The following POR variants were observed in gnomAD, a reference collection of about 807,000 sequenced individuals.
The protein encoded by POR is NADPH--cytochrome P450 reductase.
Under a neutral mutation model 84.0 loss-of-function variants are expected in POR, and 56 were observed. The observed-to-expected ratio is 0.67, with a 90% CI of 0.54 to 0.83. The LOEUF (loss-of-function observed/expected upper bound fraction) is 0.83. Ranked by LOEUF, POR falls within the 40% of genes least tolerant of loss-of-function variation. POR has a pLI of 0.00. For synonymous variants in POR, 414 were observed against 400.5 expected, an observed-to-expected ratio of 1.03 and a Z score of -0.40; for missense variants, 938 against 944.3, an observed-to-expected ratio of 0.99 and a Z score of 0.09.
At chr7:75,918,003 A>C (rs1554548272) in intron 1 of POR, among the ~76,000 whole-genome samples, 1 of 152,174 alleles carries the variant, frequency 6.6e-6, no homozygotes, top group Non-Finnish European at 1.5e-5. Flanking sequence ...GTCTCTATAA[A>C]AAAAATACAA....
chr7:75,951,258 G>C (rs536706919), intron 1 of POR, among the ~76,000 whole-genome samples: 13 of 152,018 alleles, frequency 8.6e-5, no homozygotes, highest in Admixed American at 4.6e-4. Context: ...GCCAGGTGTC[G>C]TGGCGGGCAC....
At chr7:75,928,240 A>AT in intron 1 of POR, among the ~76,000 whole-genome samples, 1 of 152,206 alleles carries the variant, frequency 6.6e-6, no homozygotes, top group Middle Eastern at 3.4e-3. Flanking sequence ...AAGTACTGGG[A>AT]TTACAGGTGT....
rs1187433992 is a variant in POR, at chr7:75,927,949, C to T, written c.-5+12770C>T. On this transcript the variant is annotated intron_variant, in intron 1 of 15. Coordinates refer to ENST00000461988, the MANE Select transcript of POR (RefSeq NM_000941.3). ...GGCCTGAGGCATGAGCCACTGCTCCCAGTCTCTATCTCAGGTTTCTTTTTT... is the reference window on the plus strand; with the variant it reads ...GGCCTGAGGCATGAGCCACTGCTCCTAGTCTCTATCTCAGGTTTCTTTTTT... 2.0e-5 allele frequency among the ~76,000 whole-genome samples: 3 copies of T among 148,868 alleles called. No individual in the cohort carries two copies. The Admixed American group carries it at 2.0e-4, about 10-fold the overall frequency.
At chr7:75,942,013 GT>G (rs1786942885) in intron 1 of POR, among the ~76,000 whole-genome samples, 1 of 152,076 alleles carries the variant, frequency 6.6e-6, no homozygotes, top group Non-Finnish European at 1.5e-5. Context: ...GAGTCCAGGA[GT>G]TTGAGACCAG....
chr7:75,970,736 G>A lies in POR; in HGVS notation c.189-1677G>A, dbSNP rs187436277. On this transcript the variant is annotated intron_variant, in intron 2 of 15. Coordinates refer to ENST00000461988, the MANE Select transcript of POR (RefSeq NM_000941.3). The stretch of plus-strand genomic sequence containing the variant: ...TGCACTCCAGCCTGGGCGACAAAGC[G>A]AGACTCCATCTCAAAAAAAAAAAAG... 7.7e-4 allele frequency among the ~76,000 whole-genome samples: 115 copies of A among 149,232 alleles called. 1 individual carries two copies. Among genetic ancestry groups the A allele is most frequent in the African/African-American group, 2.7e-3 (110 of 40,816 alleles).
intron 12 of POR, 68 bp from the exon 13 acceptor site, chr7:75,985,511 G>A (rs1262415920): frequency 9.7e-6 from 14 of 1,446,642 alleles, no homozygotes; most frequent in East Asian, 5.0e-5. Flanking sequence ...CCTGCAGAAC[G>A]GGACTTGGGG....
chr7:75,972,501 CGGCCCCGATG>C (rs1554556339), intron 3 of POR, 40 bp downstream of exon 3: 1 of 1,544,066 alleles, frequency 6.5e-7, no homozygotes, highest in African/African-American at 1.4e-5. Context: ...CAGGAAGCCT[CGGCCCCGATG>C]GGCATGTAAT....
chr7:75,980,234 C>A lies in POR; in HGVS notation c.367-105C>A, dbSNP rs1277343429. Reference sequence around the variant, plus strand: ...TCCCACGACACTCAGACATCCCTGGCCTGGTGCCACCCTGGGCAGGACCTG... The same window carrying A: ...TCCCACGACACTCAGACATCCCTGGACTGGTGCCACCCTGGGCAGGACCTG... On this transcript the variant is annotated intron_variant, in intron 4 of 15. Transcript: ENST00000461988. 5.8e-6 allele frequency: 8 copies of A among 1,373,768 alleles called. No individual in the cohort carries two copies. The African/African-American group carries it at 1.0e-4, about 17-fold the overall frequency. The allele number at this position is 1,373,768 out of a possible 1,614,324, so 85.1% of individuals were successfully genotyped here. A position where few individuals can be genotyped will look rare whatever the true frequency, so the allele number is the denominator to read the frequency against.
chr7:75,951,381 G>C (rs1420428394), intron 1 of POR, among the ~76,000 whole-genome samples: 4 of 152,120 alleles, frequency 2.6e-5, no homozygotes, highest in African/African-American at 7.2e-5. Flanking sequence ...GTGACAGAGA[G>C]AGACTCTATC....
intron 2 of POR, among the ~76,000 whole-genome samples, chr7:75,967,011 C>T (rs1468698790): frequency 3.3e-5 from 5 of 152,200 alleles, no homozygotes; most frequent in African/African-American, 9.6e-5. Flanking sequence ...ACTCTGTCAA[C>T]CAGGTTGGAG....
intron 1 of POR, among the ~76,000 whole-genome samples, chr7:75,947,553 C>T (rs1554552283): frequency 6.6e-6 from 1 of 152,174 alleles, no homozygotes; most frequent in Admixed American, 6.5e-5. Flanking sequence ...CCTCAGCCTC[C>T]CAAAGTGCTG....
chr7:75,934,279 C>T (rs1807566514), intron 1 of POR, among the ~76,000 whole-genome samples: 1 of 151,614 alleles, frequency 6.6e-6, no homozygotes, highest in Non-Finnish European at 1.5e-5. Flanking sequence ...TTGTATAATT[C>T]CCTTATAACA....
chr7:75,984,753 G>T, intron 10 of POR, 24 bp from the exon 11 acceptor site: 1 of 1,610,298 alleles, frequency 6.2e-7, no homozygotes, highest in Non-Finnish European at 8.5e-7. Flanking sequence ...CCTACCCCAA[G>T]TCCTGCCTGT....
At chr7:75,958,866 C>T (rs782644006) in intron 2 of POR, among the ~76,000 whole-genome samples, 2 of 152,114 alleles carry the variant, frequency 1.3e-5, no homozygotes, top group African/African-American at 2.4e-5. Context: ...GTTAATTTAC[C>T]GACAAGGAGA....
In POR at chr7:75,979,492, T is replaced by G. The variant is rs905483655; in HGVS notation, c.279T>G (p.Thr93=). 9 of 1,613,462 alleles carry G rather than the reference T, an allele frequency of 5.6e-6. No homozygotes were observed. The highest frequency in any genetic ancestry group is 7.6e-6 in the Non-Finnish European group (9 of 1,179,850). ...TGTTCTACGGCTCCCAGACGGGGAC[T>G]GCAGAGGAGTTTGCCAACCGCCTGT... Residue 93 remains threonine, a synonymous_variant, in exon 4 of 16, where the codon ACT becomes ACG. Transcript: ENST00000461988.
In POR at chr7:75,927,906, A is replaced by G. The variant is rs1296208000; in HGVS notation, c.-5+12727A>G. On this transcript the variant is annotated intron_variant, in intron 1 of 15. Transcript: ENST00000461988. ...GACTGGTCTCGAACTCCTGACCTCAAGTGATCTTGCCCTCCTCGGCCTGAG... is the reference window on the plus strand; with the variant it reads ...GACTGGTCTCGAACTCCTGACCTCAGGTGATCTTGCCCTCCTCGGCCTGAG... Among the ~76,000 whole-genome samples the G allele has an allele frequency of 6.7e-5, 10 of 148,696 alleles. No individual in the cohort carries two copies. In the East Asian group the frequency reaches 2.0e-3, roughly 30 times the overall value.
intron 1 of POR, among the ~76,000 whole-genome samples, chr7:75,934,353 T>C (rs1807569114): frequency 6.6e-6 from 1 of 152,080 alleles, no homozygotes; most frequent in Non-Finnish European, 1.5e-5. Context: ...GTGACCTGGG[T>C]GCTTTTACTA....
intron 1 of POR, among the ~76,000 whole-genome samples, chr7:75,953,412 T>G (rs1490201645): frequency 6.6e-6 from 1 of 150,604 alleles, no homozygotes. Context: ...ACCATAAATC[T>G]CATTGTTAAC....
intron 1 of POR, among the ~76,000 whole-genome samples, chr7:75,936,645 G>A (rs1489466182): frequency 2.0e-5 from 3 of 151,870 alleles, no homozygotes; most frequent in African/African-American, 7.3e-5. Flanking sequence ...TGTAGGAATT[G>A]TAACACATGC....
Sources: allele counts gnomAD v4.1 joint callset (sites outside exome capture counted in the v4.1 genomes callset), GRCh38; gene constraint gnomAD v4.1.1; transcripts MANE v1.5; gene names NCBI Gene and HGNC (gene_info 2026-07-23, HGNC 2026-07-21).